The following CASK variants were observed in gnomAD, a reference collection of about 807,000 sequenced individuals.
CASK encodes peripheral plasma membrane protein CASK.
In CASK, 4 loss-of-function variants were observed where a neutral mutation model predicts 82.9. That is an observed-to-expected ratio of 0.05 (90% CI 0.02 to 0.11). The LOEUF (loss-of-function observed/expected upper bound fraction) is 0.11. Among genes scored for constraint, CASK ranks in the 10% least tolerant of loss-of-function variants. The pLI is 1.00. For synonymous variants in CASK, 259 were observed against 253.5 expected (o/e 1.02, Z -0.20); for missense variants, 358 against 720.9 (o/e 0.50, Z 5.76).
chrX:41,902,114 G>A (rs1387505839), intron 1 of CASK, among the ~76,000 whole-genome samples: 1 of 111,530 alleles, frequency 9.0e-6, no homozygotes, highest in Non-Finnish European at 1.9e-5. Flanking sequence ...ACTGCAGCAT[G>A]GAGCCATGGA....
intron 5 of CASK, among the ~76,000 whole-genome samples, chrX:41,674,729 T>G: frequency 9.0e-6 from 1 of 111,258 alleles, no homozygotes; most frequent in East Asian, 2.8e-4. Context: ...CAAGAGGGAA[T>G]AAGGAATAAA....
intron 1 of CASK, among the ~76,000 whole-genome samples, chrX:41,893,071 T>C (rs1164573849): frequency 2.7e-5 from 3 of 112,289 alleles, no homozygotes; most frequent in Non-Finnish European, 5.6e-5. Flanking sequence ...TTATACTAAA[T>C]GAAAAGCCAC....
intron 1 of CASK, among the ~76,000 whole-genome samples, chrX:41,875,073 G>C (rs1160231781): frequency 8.9e-6 from 1 of 112,279 alleles, no homozygotes; most frequent in Non-Finnish European, 1.9e-5. Flanking sequence ...AGCCATTAGA[G>C]CAAATCTGTT....
In CASK at chrX:41,912,790, T is replaced by TTA. The variant is rs202164173; in HGVS notation, c.59+10138_59+10139dup. Among the ~76,000 whole-genome samples, 526 of 97,927 alleles carry TTA rather than the reference T, an allele frequency of 5.4e-3. 3 individuals carry two copies. The highest frequency in any genetic ancestry group is 0.026 in the East Asian group (84 of 3,284). The allele number at this position is 97,927 out of a possible 115,157, so 85.0% of individuals were successfully genotyped here. ...TCTCTCCTTCCCTCTTGCAAGTAATTTATATATATATATATATAAAATATA... is the reference window on the plus strand; with the variant it reads ...TCTCTCCTTCCCTCTTGCAAGTAATTTATATATATATATATATATAAAATATA... On this transcript the variant is annotated intron_variant, in intron 1 of 26. Coordinates refer to ENST00000378163, the MANE Select transcript of CASK (RefSeq NM_001367721.1).
intron 16 of CASK, among the ~76,000 whole-genome samples, chrX:41,565,689 C>G (rs2065303068): frequency 1.8e-5 from 2 of 111,831 alleles, no homozygotes; most frequent in Admixed American, 1.9e-4. Context: ...CCTTCTGAAA[C>G]TATTCCAATC....
intron 1 of CASK, among the ~76,000 whole-genome samples, chrX:41,879,503 G>T (rs999301895): frequency 9.0e-6 from 1 of 111,682 alleles, no homozygotes; most frequent in Admixed American, 9.5e-5. Flanking sequence ...TTGAACTACT[G>T]TAATATTTAT....
In CASK at chrX:41,799,366, C is replaced by T. The variant is rs754968645; in HGVS notation, c.173-12083G>A. Among the ~76,000 whole-genome samples the T allele has an allele frequency of 3.9e-4, 43 of 111,341 alleles. 1 individual carries two copies. The highest frequency in any genetic ancestry group is 7.2e-4 in the Non-Finnish European group (38 of 53,049). ...ACCACCCTGGCCAACATGGTAAAAC[C>T]CTGTCTCTACTAAAAGTATAAAAAT... On this transcript the variant is annotated intron_variant, in intron 2 of 26. Coordinates refer to ENST00000378163, the MANE Select transcript of CASK (RefSeq NM_001367721.1).
intron 9 of CASK, among the ~76,000 whole-genome samples, chrX:41,627,570 T>C (rs2147339464): frequency 9.0e-6 from 1 of 111,634 alleles, no homozygotes; most frequent in South Asian, 3.8e-4. Context: ...CCCTCCCCTA[T>C]TCTGAGTCTC....
intron 16 of CASK, among the ~76,000 whole-genome samples, chrX:41,563,040 CAAAA>C (rs141364032): frequency 4.5e-5 from 1 of 22,206 alleles, no homozygotes; most frequent in Non-Finnish European, 7.2e-5. Flanking sequence ...GACTCCATCT[CAAAA>C]AAAAAAAAAA....
chrX:41,548,477 T>C (rs901555931), intron 21 of CASK, among the ~76,000 whole-genome samples: 15 of 112,164 alleles, frequency 1.3e-4, no homozygotes, highest in Non-Finnish European at 5.6e-5. Context: ...TTAAAGAGGC[T>C]GTCTTCCATA....
At chrX:41,804,184 C>T (rs1466448791) in intron 2 of CASK, among the ~76,000 whole-genome samples, 1 of 110,999 alleles carries the variant, frequency 9.0e-6, no homozygotes, top group African/African-American at 3.3e-5. Context: ...CCTGTCTCTA[C>T]TAAAGATACA....
At chrX:41,687,098 A>C (rs936066729) in intron 5 of CASK, among the ~76,000 whole-genome samples, 1 of 112,466 alleles carries the variant, frequency 8.9e-6, no homozygotes, top group African/African-American at 3.2e-5. Context: ...AGATTAAAAC[A>C]ATTAGTGTTT....
intron 1 of CASK, among the ~76,000 whole-genome samples, chrX:41,914,660 G>A (rs1248781641): frequency 5.3e-5 from 6 of 112,286 alleles, no homozygotes. Context: ...AGAACTTAAA[G>A]TAAATGTAAA....
chrX:41,914,137 T>A (rs111399724), intron 1 of CASK, among the ~76,000 whole-genome samples: 2 of 112,176 alleles, frequency 1.8e-5, no homozygotes, highest in African/African-American at 6.5e-5. Flanking sequence ...TGTACTTCTA[T>A]CCTAGATTTA....
intron 1 of CASK, among the ~76,000 whole-genome samples, chrX:41,880,487 C>T (rs1425989799): frequency 2.7e-5 from 3 of 111,474 alleles, no homozygotes; most frequent in Non-Finnish European, 5.7e-5. Flanking sequence ...CATCAAACTG[C>T]CCATGTTGCT....
intron 3 of CASK, among the ~76,000 whole-genome samples, chrX:41,752,941 T>C (rs1462443321): frequency 8.9e-6 from 1 of 112,233 alleles, no homozygotes; most frequent in Non-Finnish European, 1.9e-5. Context: ...TAATTAGGAA[T>C]ACTGGTCAAG....
chrX:41,565,624 C>T (rs2065301664), intron 16 of CASK, among the ~76,000 whole-genome samples: 1 of 111,502 alleles, frequency 9.0e-6, no homozygotes, highest in Admixed American at 9.5e-5. Context: ...AGTCCAGGAC[C>T]AGACGGATTC....
chrX:41,867,278 C>T (rs2071608907), intron 1 of CASK, among the ~76,000 whole-genome samples: 2 of 112,031 alleles, frequency 1.8e-5, no homozygotes, highest in South Asian at 7.4e-4. Flanking sequence ...GTGCCTGACA[C>T]TGTGCTAATG....
chrX:41,520,339 C>T lies in CASK; in HGVS notation c.*81G>A, dbSNP rs933547799. On this transcript the variant is annotated 3_prime_UTR_variant, in exon 27 of 27. Coordinates refer to ENST00000378163, the MANE Select transcript of CASK (RefSeq NM_001367721.1). ...CTAGGTAGTCTCTAGGGACCATGAC[C>T]TGCTGACACAAGGCCGATAACAAAG... is the stretch of plus-strand genomic sequence containing the variant. 3.3e-5 allele frequency: 25 copies of T among 761,289 alleles called. No individual in the cohort carries two copies. In the Admixed American group the frequency reaches 6.6e-4, roughly 20 times the overall value. The allele number at this position is 761,289 out of a possible 1,213,427, so 62.7% of individuals were successfully genotyped here.
Sources: gnomAD v4.1 joint callset for allele counts (sites outside exome capture counted in the v4.1 genomes callset) on GRCh38, gnomAD v4.1.1 for gene constraint, MANE v1.5 for transcripts, NCBI Gene and HGNC (gene_info 2026-07-23, HGNC 2026-07-21) for gene names.